CYP3A7: variants seen among roughly 807,000 people sequenced by gnomAD.
CYP3A7 encodes the protein cytochrome P450 3A7.
In CYP3A7, 45 loss-of-function variants were observed where a neutral mutation model predicts 55.2. That is an observed-to-expected ratio of 0.82 (90% CI 0.64 to 1.05). CYP3A7 has a LOEUF of 1.05. Ranked by LOEUF, CYP3A7 falls within the 50% of genes least tolerant of loss-of-function variation. The pLI is 0.00. For missense variants in CYP3A7, 548 were observed against 605.3 expected (o/e 0.91, Z 0.99); for synonymous variants, 180 against 207.4 (o/e 0.87, Z 1.13).
In CYP3A7 at chr7:99,715,784, G is replaced by A. The variant is rs897612214; in HGVS notation, c.644C>T (p.Pro215Leu). 6.2e-7 allele frequency: 1 copy of A among 1,613,816 alleles called. No homozygotes were observed. Among genetic ancestry groups the A allele is most frequent in the South Asian group, 1.1e-5 (1 of 91,076 alleles). Residue 215 changes from proline (P) to leucine (L), a missense_variant, in exon 7 of 13, where the codon CCA (proline) becomes CTA (leucine). Coordinates refer to ENST00000336374, the MANE Select transcript of CYP3A7 (RefSeq NM_000765.5). ...TATTGAGAGAACGAATGGATCTAAT[G>A]GATTAAATCTTAAAAGCTTCTTGGT... ...ENTKKLLRFN[P>L]LDPFVLSIKV...
chr7:99,709,031 C>G lies in CYP3A7; in HGVS notation c.1253+4G>C, dbSNP rs764288116. On this transcript the variant is annotated splice_donor_region_variant and intron_variant, in intron 11 of 12. Transcript: ENST00000336374. ...GGAGGGCTCCCTTCCCAGGGGCCTC[C>G]TACCTTTCAGGGAGGAACTTCTCAG... 32 of 1,613,758 alleles carry G rather than the reference C, an allele frequency of 2.0e-5. No individual in the cohort carries two copies. The highest frequency in any genetic ancestry group is 1.7e-4 in the African/African-American group (13 of 74,890).
At chr7:99,712,304 A>G (rs767470033) in intron 9 of CYP3A7, among the ~76,000 whole-genome samples, 2 of 152,224 alleles carry the variant, frequency 1.3e-5, no homozygotes, top group Non-Finnish European at 1.5e-5. Flanking sequence ...GGTAAATTCA[A>G]CTATCTAATA....
intron 1 of CYP3A7, among the ~76,000 whole-genome samples, chr7:99,734,297 T>C (rs148218377): frequency 9.3e-4 from 141 of 152,320 alleles, no homozygotes; most frequent in African/African-American, 2.7e-3. Flanking sequence ...AAGCCTCCAG[T>C]ACACACAGTA....
chr7:99,722,093 A>G (rs376447760), intron 3 of CYP3A7, among the ~76,000 whole-genome samples: 22 of 152,322 alleles, frequency 1.4e-4, no homozygotes, highest in African/African-American at 5.3e-4. Context: ...GAATTTGCAC[A>G]TAGCTTATAA....
At chr7:99,711,891 A>G (rs1182207130) in intron 9 of CYP3A7, among the ~76,000 whole-genome samples, 14 of 152,238 alleles carry the variant, frequency 9.2e-5, no homozygotes, top group Non-Finnish European at 5.9e-5. Flanking sequence ...TGCATAGCCC[A>G]GGTTGAGAAG....
chr7:99,718,237 C>T (rs190710538), intron 4 of CYP3A7, among the ~76,000 whole-genome samples: 76 of 152,086 alleles, frequency 5.0e-4, no homozygotes, highest in South Asian at 1.7e-3. Context: ...CAAACCTGCA[C>T]GTTGTGCACA....
In CYP3A7 at chr7:99,707,850, G is replaced by A; in HGVS notation, c.1378C>T (p.Leu460Phe). 6.2e-7 allele frequency: 1 copy of A among 1,613,976 alleles called. No individual in the cohort carries two copies. The highest frequency in any genetic ancestry group is 1.1e-5 in the South Asian group (1 of 91,080). ...CAAGGTTTGAAGGAGAAGTTCTGAAGGACTCTGACTAGAGCAAGTTTCATG... is the reference window on the plus strand; with the variant it reads ...CAAGGTTTGAAGGAGAAGTTCTGAAAGACTCTGACTAGAGCAAGTTTCATG... ...VNMKLALVRVLQNFSFKPCKE... is the reference protein window; with the variant it reads ...VNMKLALVRVFQNFSFKPCKE... Residue 460 changes from leucine (L) to phenylalanine (F), a missense_variant, in exon 12 of 13, where the codon CTT becomes TTT. Coordinates refer to ENST00000336374, the MANE Select transcript of CYP3A7 (RefSeq NM_000765.5).
intron 4 of CYP3A7, 146 bp downstream of exon 4, chr7:99,720,167 A>T (rs1251499787): frequency 1.1e-6 from 1 of 949,368 alleles, no homozygotes; most frequent in African/African-American, 1.7e-5. Flanking sequence ...AGATTGCAAG[A>T]TGTTACCATG....
In CYP3A7 at chr7:99,709,071, T is replaced by G. The variant is rs765805162; in HGVS notation, c.1217A>C (p.Lys406Thr). 1.9e-6 allele frequency: 3 copies of G among 1,613,870 alleles called. No individual in the cohort carries two copies. The African/African-American group carries it at 4.0e-5, about 22-fold the overall frequency. Residue 406 changes from lysine to threonine, a missense_variant, in exon 11 of 13, where the codon AAG (lysine) becomes ACG (threonine). By Grantham distance (78) the Lys-to-Thr change is moderately conservative. Coordinates refer to ENST00000336374, the MANE Select transcript of CYP3A7 (RefSeq NM_000765.5). ...IPSYVLHHDP[K>T]YWTEPEKFLP... is the part of the protein sequence containing the mutation. Reference sequence around the variant, plus strand: ...GAACTTCTCAGGCTCTGTCCAGTACTTTGGGTCATGATGAAGAACATAGCT... The same window carrying G: ...GAACTTCTCAGGCTCTGTCCAGTACGTTGGGTCATGATGAAGAACATAGCT...
At chr7:99,705,822 T>A (rs779304133) in intron 12 of CYP3A7, among the ~76,000 whole-genome samples, 1 of 152,218 alleles carries the variant, frequency 6.6e-6, no homozygotes, top group Non-Finnish European at 1.5e-5. Context: ...ATGGAGCACC[T>A]ATTCTGTGTG....
At chr7:99,725,163 A>T (rs1814361298) in intron 2 of CYP3A7, among the ~76,000 whole-genome samples, 1 of 152,212 alleles carries the variant, frequency 6.6e-6, no homozygotes, top group Non-Finnish European at 1.5e-5. Flanking sequence ...ACCCAAGGTA[A>T]AGATGAAAAC....
rs539348125 is a variant in CYP3A7 at position 99,715,677 on chromosome 7, G to A, written c.670+81C>T. ...ATTAAACTGTACATTTTAAGTGGAT[G>A]AATTACATGGTGATTTACATCTCAA... is the stretch of plus-strand genomic sequence containing the variant. On this transcript the variant is annotated intron_variant, in intron 7 of 12. Transcript: ENST00000336374. 1.2e-5 allele frequency: 19 copies of A among 1,602,962 alleles called. 1 individual carries two copies. The South Asian group carries it at 2.0e-4, about 17-fold the overall frequency.
chr7:99,714,400 C>T (rs1290696845), intron 8 of CYP3A7, among the ~76,000 whole-genome samples, 155 bp downstream of exon 8: 1 of 152,156 alleles, frequency 6.6e-6, no homozygotes, highest in African/African-American at 2.4e-5. Context: ...CCACTTTCTG[C>T]ATTCCTACCA....
At chr7:99,718,594 T>C (rs1051122396) in intron 4 of CYP3A7, among the ~76,000 whole-genome samples, 4 of 152,154 alleles carry the variant, frequency 2.6e-5, no homozygotes, top group African/African-American at 7.2e-5. Context: ...TTCTTGATGA[T>C]GAAAGACCAA....
At chr7:99,727,998 T>C (rs1159014820) in intron 2 of CYP3A7, among the ~76,000 whole-genome samples, 1 of 152,182 alleles carries the variant, frequency 6.6e-6, no homozygotes, top group Non-Finnish European at 1.5e-5. Context: ...ACCCCATTGC[T>C]CAAGGCAACA....
At chr7:99,713,392 A>T in intron 9 of CYP3A7, 77 bp downstream of exon 9, 1 of 1,598,098 alleles carries the variant, frequency 6.3e-7, no homozygotes. Flanking sequence ...TACCTGGAAT[A>T]CTTCCTGCAC....
chr7:99,716,000 C>T, intron 6 of CYP3A7, 94 bp from the exon 7 acceptor site: 1 of 1,607,816 alleles, frequency 6.2e-7, no homozygotes, highest in Non-Finnish European at 8.5e-7. Flanking sequence ...CCAGTCAAGA[C>T]AGACAAACAG....
rs1814008163 is a variant in CYP3A7, at chr7:99,717,530, T to C, written c.428A>G (p.Lys143Arg). 1 of 1,613,670 alleles carries C rather than the reference T, an allele frequency of 6.2e-7. No individual in the cohort carries two copies. The highest frequency in any genetic ancestry group is 8.5e-7 in the Non-Finnish European group (1 of 1,179,780). ...LSPTFTSGKL[K>R]EMVPIIAQYG... ...AAACCCAAGTTATTTTCATACCTCC[T>C]TGAGTTTTCCGCTGGTGAATGTTGG... is the stretch of plus-strand genomic sequence containing the variant. The change falls in exon 5 of 13, where the codon AAG becomes AGG. Residue 143 changes from lysine (K) to arginine (R), a missense_variant. Transcript: ENST00000336374.
intron 4 of CYP3A7, among the ~76,000 whole-genome samples, chr7:99,719,197 A>T (rs1425518514): frequency 6.6e-6 from 1 of 152,198 alleles, no homozygotes; most frequent in African/African-American, 2.4e-5. Flanking sequence ...AGCTAAAACA[A>T]ATCTAAAAAA....
Sources: gnomAD v4.1 joint callset for allele counts (sites outside exome capture counted in the v4.1 genomes callset) on GRCh38, gnomAD v4.1.1 for gene constraint, MANE v1.5 for transcripts, NCBI Gene and HGNC (gene_info 2026-07-23, HGNC 2026-07-21) for gene names.